Variants in CAMTA1 observed in about 807,000 individuals in gnomAD.
CAMTA1 encodes calmodulin binding transcription activator 1, also known as calmodulin-binding transcription activator 1.
CAMTA1 carries 27 observed loss-of-function variants against 170.9 expected under a neutral mutation model. The ratio of observed to expected loss-of-function variants is 0.16; its 90% CI spans 0.12 to 0.22. The LOEUF (loss-of-function observed/expected upper bound fraction) is 0.22, where lower values mean the gene tolerates loss of function less well. Ranked by LOEUF, CAMTA1 falls within the 10% of genes least tolerant of loss-of-function variation. The pLI, the probability that CAMTA1 is intolerant of heterozygous loss-of-function variation, is 1.00. For synonymous variants in CAMTA1, 833 were observed against 891.5 expected, an observed-to-expected ratio of 0.93 and a Z score of 1.17; for missense variants, 1,619 against 2,217.2, an observed-to-expected ratio of 0.73 and a Z score of 5.42.
At chr1:7,469,931 C>T (rs563271872) in intron 6 of CAMTA1, among the ~76,000 whole-genome samples, 4 of 152,360 alleles carry the variant, frequency 2.6e-5, no homozygotes, top group South Asian at 4.1e-4. Flanking sequence ...CCCTCACTGG[C>T]GCTCCTGTTT....
rs1030497364 is a variant in CAMTA1 at position 7,463,220 on chromosome 1, T to C, written c.439-4610T>C. 3.3e-5 allele frequency among the ~76,000 whole-genome samples: 5 copies of C among 151,666 alleles called. No homozygotes were observed. Among genetic ancestry groups the C allele is most frequent in the African/African-American group, 1.2e-4 (5 of 41,234 alleles). ...CATGCTCTGCTCAGGACGCCTTGGGTAAGTTGCTGAATCCTCTGCGGCTTC... is the reference window on the plus strand; with the variant it reads ...CATGCTCTGCTCAGGACGCCTTGGGCAAGTTGCTGAATCCTCTGCGGCTTC... On this transcript the variant is annotated intron_variant, in intron 5 of 22. Coordinates refer to ENST00000303635, the MANE Select transcript of CAMTA1 (RefSeq NM_015215.4). This position sits in a 1 kb window ranked among gnomAD's most constrained non-coding sequence, Gnocchi z 4.7.
chr1:7,575,542 C>G (rs1249314692), intron 6 of CAMTA1, among the ~76,000 whole-genome samples: 1 of 152,252 alleles, frequency 6.6e-6, no homozygotes, highest in Non-Finnish European at 1.5e-5. Context: ...CTAAGCCTGC[C>G]TCTGCCTCAA....
intron 6 of CAMTA1, among the ~76,000 whole-genome samples, chr1:7,494,862 G>A (rs932093928): frequency 6.6e-6 from 1 of 152,154 alleles, no homozygotes; most frequent in African/African-American, 2.4e-5. Flanking sequence ...AGCCAGGGGA[G>A]GAACAAGTAG....
chr1:7,052,026 T>G (rs534269345), intron 3 of CAMTA1, among the ~76,000 whole-genome samples: 1 of 118,002 alleles, frequency 8.5e-6, no homozygotes, highest in South Asian at 2.8e-4. Flanking sequence ...CCCTTTCAAG[T>G]GGAGGCTGTG....
intron 11 of CAMTA1, among the ~76,000 whole-genome samples, chr1:7,718,236 T>TTCCGTAAACACAGTGGGC (rs2096625773): frequency 6.9e-6 from 1 of 144,362 alleles, no homozygotes; most frequent in African/African-American, 2.9e-5. Flanking sequence ...ACACAGTGGG[T>TTCCGTAAACACAGTGGGC]GTTCCGTAAA....
intron 3 of CAMTA1, among the ~76,000 whole-genome samples, chr1:7,079,811 A>G (rs71637366): frequency 3.3e-5 from 5 of 152,196 alleles, no homozygotes; most frequent in African/African-American, 4.8e-5. Context: ...GGGGAAAAAG[A>G]CAAATTATAG....
In CAMTA1 at chr1:7,014,641, T is replaced by A. The variant is rs1437635927; in HGVS notation, c.235-76663T>A. ...TGGTCCCTTAACACGGAGTCTGGAA[T>A]TGTTTCTCATAACCCAACGCTTGGC... On this transcript the variant is annotated intron_variant, in intron 3 of 22. Transcript: ENST00000303635. This position sits in a 1 kb window ranked among gnomAD's most constrained non-coding sequence, Gnocchi z 4.2. 1.3e-5 allele frequency among the ~76,000 whole-genome samples: 2 copies of A among 152,184 alleles called. No homozygotes were observed. The highest frequency in any genetic ancestry group is 2.9e-5 in the Non-Finnish European group (2 of 68,038).
At chr1:7,363,860 G>C (rs948250107) in intron 5 of CAMTA1, among the ~76,000 whole-genome samples, 1 of 152,134 alleles carries the variant, frequency 6.6e-6, no homozygotes, top group African/African-American at 2.4e-5. Flanking sequence ...CTTCACCCTG[G>C]TAGCCCCCCT....
At chr1:7,644,041 G>A (rs2095786782) in intron 7 of CAMTA1, among the ~76,000 whole-genome samples, 1 of 152,230 alleles carries the variant, frequency 6.6e-6, no homozygotes, top group South Asian at 2.1e-4. Flanking sequence ...AGACTTCACA[G>A]TTTGATTTCC....
rs868403597 is a variant in CAMTA1, at chr1:6,945,215, C to T, written c.234+120005C>T. 9.2e-5 allele frequency among the ~76,000 whole-genome samples: 14 copies of T among 152,188 alleles called. 1 individual carries two copies. The highest frequency in any genetic ancestry group is 3.4e-3 in the Middle Eastern group (1 of 292). ...ATAATTCATATAGCTTACAATTCAC[C>T]CATTAAAATGTATAGTTCCATGGAT... is the stretch of plus-strand genomic sequence containing the variant. On this transcript the variant is annotated intron_variant, in intron 3 of 22. Coordinates refer to ENST00000303635, the MANE Select transcript of CAMTA1 (RefSeq NM_015215.4).
chr1:6,938,439 C>T (rs1685838581), intron 3 of CAMTA1, among the ~76,000 whole-genome samples: 1 of 152,110 alleles, frequency 6.6e-6, no homozygotes, highest in South Asian at 2.1e-4. Flanking sequence ...GGGGAGGTGC[C>T]AGGCTCTGCT....
At chr1:7,003,517 C>T (rs761773842) in intron 3 of CAMTA1, among the ~76,000 whole-genome samples, 5 of 152,190 alleles carry the variant, frequency 3.3e-5, no homozygotes, top group Admixed American at 6.5e-5. Flanking sequence ...TTCGACACGT[C>T]GGCTTAGGGA....
intron 11 of CAMTA1, among the ~76,000 whole-genome samples, chr1:7,728,259 G>T (rs1474089671): frequency 3.9e-5 from 6 of 152,250 alleles, no homozygotes; most frequent in Non-Finnish European, 8.8e-5. Context: ...GTCAGGGAAG[G>T]TCTGTTTCTG....
At chr1:7,039,332 C>T (rs1455778699) in intron 3 of CAMTA1, among the ~76,000 whole-genome samples, 2 of 152,152 alleles carry the variant, frequency 1.3e-5, no homozygotes, top group Non-Finnish European at 2.9e-5. Context: ...TGCAAAGCTA[C>T]AAAATGCCCA....
At chr1:7,143,865 A>G (rs1384833699) in intron 4 of CAMTA1, among the ~76,000 whole-genome samples, 2 of 152,258 alleles carry the variant, frequency 1.3e-5, no homozygotes, top group Non-Finnish European at 2.9e-5. Flanking sequence ...AAGTATTTGT[A>G]GAAATATGGC....
rs1691315124 is a variant in CAMTA1, at chr1:6,965,228, T to C, written c.235-126076T>C. 6.6e-6 allele frequency among the ~76,000 whole-genome samples: 1 copy of C among 152,126 alleles called. No homozygotes were observed. The highest frequency in any genetic ancestry group is 6.5e-5 in the Admixed American group (1 of 15,280). On this transcript the variant is annotated intron_variant, in intron 3 of 22. Transcript: ENST00000303635. The surrounding 1 kb of genome is among the most constrained non-coding windows in gnomAD (Gnocchi z 4.1). ...GTATGACTTTGTGTGCTTGTGTGTG[T>C]CTGTGCATGTGTGCATGTGTGTGGG...
chr1:7,652,528 C>G (rs1375314203), intron 7 of CAMTA1, among the ~76,000 whole-genome samples: 1 of 152,202 alleles, frequency 6.6e-6, no homozygotes, highest in Non-Finnish European at 1.5e-5. Context: ...CCAGCAAGGC[C>G]TGGCCCCTCT....
At chr1:7,695,721 A>C (rs1185535417) in intron 11 of CAMTA1, among the ~76,000 whole-genome samples, 3 of 152,082 alleles carry the variant, frequency 2.0e-5, no homozygotes, top group Non-Finnish European at 4.4e-5. Context: ...TGCCAAAGAG[A>C]GATCAGCAGG....
At chr1:7,586,259 C>G (rs2095308953) in intron 6 of CAMTA1, among the ~76,000 whole-genome samples, 1 of 152,122 alleles carries the variant, frequency 6.6e-6, no homozygotes, top group Non-Finnish European at 1.5e-5. Flanking sequence ...GTTTAAGCCT[C>G]GAGGGCTGGC....
Sources: gnomAD v4.1 joint callset for allele counts (sites outside exome capture counted in the v4.1 genomes callset) on GRCh38, gnomAD v4.1.1 for gene constraint, Gnocchi (gnomAD v3.1) non-coding constraint, MANE v1.5 for transcripts, NCBI Gene and HGNC (gene_info 2026-07-23, HGNC 2026-07-21) for gene names.